VPS13C: variants seen among roughly 807,000 people sequenced by gnomAD.
VPS13C encodes the protein intermembrane lipid transfer protein VPS13C.
A neutral mutation model predicts 456.8 loss-of-function variants in VPS13C; 358 were observed. That is an observed-to-expected ratio of 0.78 (90% CI 0.72 to 0.86). The LOEUF (loss-of-function observed/expected upper bound fraction) is 0.86, where lower values mean the gene tolerates loss of function less well. VPS13C is among the 40% of genes least tolerant of loss of function. VPS13C has a pLI of 0.00. For missense variants in VPS13C, 4,818 were observed against 4,385.4 expected (o/e 1.10, Z -2.79); for synonymous variants, 1,578 against 1,486.7 (o/e 1.06, Z -1.41).
intron 66 of VPS13C, among the ~76,000 whole-genome samples, chr15:61,906,134 C>T (rs918300761): frequency 4.6e-5 from 7 of 152,036 alleles, no homozygotes; most frequent in Non-Finnish European, 8.8e-5. Context: ...TCTGTGTAAA[C>T]CTAGTGTTTG....
Position 61,966,570 on chromosome 15 carries a change from G to C in VPS13C, c.2992-428C>G, listed in dbSNP as rs545440553. On this transcript the variant is annotated intron_variant, in intron 29 of 84. Transcript: ENST00000644861. ...TTATTTAATGAGGTCTTCACATTGA[G>C]TCAAAAATCTGTCTCCCATCATAAC... Among the ~76,000 whole-genome samples the C allele has an allele frequency of 2.0e-5, 3 of 151,986 alleles. No individual in the cohort carries two copies. In the East Asian group the frequency reaches 5.8e-4, roughly 29 times the overall value.
intron 6 of VPS13C, 148 bp from the exon 7 acceptor site, chr15:62,023,993 A>G (rs1042600401): frequency 7.9e-6 from 4 of 508,324 alleles, no homozygotes; most frequent in African/African-American, 3.8e-5. Flanking sequence ...TTACTTCAAT[A>G]TAAAGACAAA....
At chr15:61,973,884 T>C (rs1356329517) in intron 25 of VPS13C, among the ~76,000 whole-genome samples, 1 of 152,118 alleles carries the variant, frequency 6.6e-6, no homozygotes, top group Non-Finnish European at 1.5e-5. Flanking sequence ...ATGAGCTGGC[T>C]TTATCAAATT....
In VPS13C at chr15:62,018,659, C is replaced by G. The variant is rs548423851; in HGVS notation, c.684+1820G>C. Among the ~76,000 whole-genome samples the G allele has an allele frequency of 7.1e-4, 108 of 151,874 alleles. 2 individuals carry two copies. The highest frequency in any genetic ancestry group is 2.4e-3 in the African/African-American group (100 of 41,198). On this transcript the variant is annotated intron_variant, in intron 9 of 84. Transcript: ENST00000644861. ...AGCCTTCTTGTCCATGGTGGATAAG[C>G]TTTTTGATGTGCTGCTGGATTCGGT...
At chr15:62,029,557 T>C (rs765181982) in intron 5 of VPS13C, among the ~76,000 whole-genome samples, 4 of 152,124 alleles carry the variant, frequency 2.6e-5, no homozygotes, top group African/African-American at 4.8e-5. Context: ...TGGCCGACTA[T>C]AACATGTTCA....
chr15:61,868,254 G>C (rs12901481), intron 81 of VPS13C, among the ~76,000 whole-genome samples: 67,301 of 151,758 alleles, frequency 0.44, 15,653 homozygotes, highest in Non-Finnish European at 0.51. Context: ...CTCTCATCTA[G>C]TTCTAGTTAC....
chr15:62,025,690 T>C (rs954661394), intron 6 of VPS13C, among the ~76,000 whole-genome samples: 11 of 152,144 alleles, frequency 7.2e-5, no homozygotes, highest in Admixed American at 1.3e-4. Context: ...TTAGAGCTAA[T>C]ATAGCTCTTT....
intron 82 of VPS13C, among the ~76,000 whole-genome samples, chr15:61,860,982 G>A (rs975728994): frequency 9.3e-6 from 1 of 107,096 alleles, no homozygotes; most frequent in East Asian, 3.1e-4. Context: ...TTTTTTTTGA[G>A]AGACAGTCTT....
At chr15:62,017,220 T>C (rs2140542065) in intron 9 of VPS13C, among the ~76,000 whole-genome samples, 1 of 152,330 alleles carries the variant, frequency 6.6e-6, no homozygotes, top group African/African-American at 2.4e-5. Flanking sequence ...AAAAATTTTC[T>C]CCCATTCTGT....
intron 16 of VPS13C, among the ~76,000 whole-genome samples, chr15:61,996,146 C>A (rs1255506339): frequency 2.6e-5 from 4 of 152,202 alleles, no homozygotes; most frequent in Admixed American, 2.6e-4. Context: ...CAGTCTAATA[C>A]AAGCTTCACA....
At chr15:62,047,141 T>C (rs891235408) in intron 1 of VPS13C, among the ~76,000 whole-genome samples, 2 of 151,888 alleles carry the variant, frequency 1.3e-5, no homozygotes, top group Non-Finnish European at 2.9e-5. Flanking sequence ...CAAAGAAATA[T>C]TGGCCGGTGT....
chr15:62,008,163 G>A (rs932648493), intron 14 of VPS13C, among the ~76,000 whole-genome samples: 1 of 152,002 alleles, frequency 6.6e-6, no homozygotes, highest in Non-Finnish European at 1.5e-5. Context: ...CCCAGGAGGT[G>A]GAGGTTGCAA....
chr15:62,028,328 A>G (rs558246170), intron 6 of VPS13C, 30 bp downstream of exon 6: 3 of 1,607,602 alleles, frequency 1.9e-6, no homozygotes, highest in African/African-American at 2.7e-5. Context: ...ATGTTTATAT[A>G]GTTGAATATA....
chr15:62,003,848 C>G (rs1410480375), intron 15 of VPS13C, among the ~76,000 whole-genome samples: 1 of 150,604 alleles, frequency 6.6e-6, no homozygotes, highest in African/African-American at 2.4e-5. Context: ...GTTGAACCAG[C>G]CTTGCATCCC....
intron 76 of VPS13C, 109 bp from the exon 77 acceptor site, chr15:61,875,060 A>G: frequency 2.1e-6 from 2 of 949,278 alleles, no homozygotes; most frequent in Non-Finnish European, 2.9e-6. Context: ...AAAAATCCAT[A>G]AACATTGTGA....
At chr15:61,884,075 C>T in intron 68 of VPS13C, 53 bp downstream of exon 68, 1 of 1,503,390 alleles carries the variant, frequency 6.7e-7, no homozygotes, top group Admixed American at 2.3e-5. Context: ...TACTTACTAC[C>T]ACCACCAAGA....
chr15:62,014,007 G>A lies in VPS13C; in HGVS notation c.685-15C>T, dbSNP rs2140521694. 6.2e-7 allele frequency: 1 copy of A among 1,603,096 alleles called. No individual in the cohort carries two copies. The highest frequency in any genetic ancestry group is 1.7e-5 in the Admixed American group (1 of 58,834). Reference sequence around the variant, plus strand: ...TCATTTGCAGTCTAAAAGAAAAAAGGGAATACCTGTGAAACGTGGTATGGA... The same window carrying A: ...TCATTTGCAGTCTAAAAGAAAAAAGAGAATACCTGTGAAACGTGGTATGGA... On this transcript the variant is annotated splice_polypyrimidine_tract_variant and intron_variant, in intron 9 of 84. Coordinates refer to ENST00000644861, the MANE Select transcript of VPS13C (RefSeq NM_020821.3).
At position 61,922,664 on chromosome 15, in the gene VPS13C, T is replaced by C; in HGVS notation, c.6708A>G (p.Glu2236=). 2 of 1,614,060 alleles carry C rather than the reference T, an allele frequency of 1.2e-6. No homozygotes were observed. The highest frequency in any genetic ancestry group is 8.5e-7 in the Non-Finnish European group (1 of 1,179,954). Reference sequence around the variant, plus strand: ...TAATCGATTTGATACCCCAAAGATTTTCCATTTCCTTAGACGTATCTTTGG... The same window carrying C: ...TAATCGATTTGATACCCCAAAGATTCTCCATTTCCTTAGACGTATCTTTGG... ...DGSKDTSKEM[E]NLWGIKSIND... Residue 2236 remains glutamate (E), a synonymous_variant, in exon 54 of 85, where the codon GAA becomes GAG. Coordinates refer to ENST00000644861, the MANE Select transcript of VPS13C (RefSeq NM_020821.3).
intron 62 of VPS13C, among the ~76,000 whole-genome samples, chr15:61,912,716 T>C (rs1191774300): frequency 6.6e-6 from 1 of 151,668 alleles, no homozygotes; most frequent in East Asian, 1.9e-4. Context: ...TATGTATACA[T>C]GTACCATGCT....
Sources: allele counts gnomAD v4.1 joint callset (sites outside exome capture counted in the v4.1 genomes callset), GRCh38; gene constraint gnomAD v4.1.1; transcripts MANE v1.5; gene names NCBI Gene and HGNC (gene_info 2026-07-23, HGNC 2026-07-21).